RASGRP4: variants seen among roughly 807,000 people sequenced by gnomAD.
RASGRP4 encodes the protein RAS guanyl releasing protein 4.
A neutral mutation model predicts 84.4 loss-of-function variants in RASGRP4; 52 were observed. The observed-to-expected ratio is 0.62, with a 90% CI of 0.49 to 0.78. The LOEUF (loss-of-function observed/expected upper bound fraction) is 0.78, where lower values mean the gene tolerates loss of function less well. Among genes scored for constraint, RASGRP4 ranks in the 30% least tolerant of loss-of-function variants. The pLI is 0.00. For synonymous variants in RASGRP4, 356 were observed against 359.1 expected (o/e 0.99, Z 0.10); for missense variants, 760 against 886.9 (o/e 0.86, Z 1.82).
At chr19:38,420,083 G>A (rs1439058076) in intron 5 of RASGRP4, 48 bp downstream of exon 5, 7 of 1,607,548 alleles carry the variant, frequency 4.4e-6, no homozygotes, top group Admixed American at 1.7e-5. Flanking sequence ...GAGGGAGATG[G>A]CAGAATGGCG....
intron 1 of RASGRP4, among the ~76,000 whole-genome samples, chr19:38,425,275 C>T (rs575972514): frequency 1.3e-5 from 2 of 152,104 alleles, no homozygotes; most frequent in South Asian, 2.1e-4. Context: ...TTCTGAGGCT[C>T]GCTCCAGTTT....
rs1648770287 is a variant in RASGRP4, at chr19:38,417,367, C to A, written c.838-199G>T. 1.3e-5 allele frequency among the ~76,000 whole-genome samples: 2 copies of A among 152,100 alleles called. No homozygotes were observed. The highest frequency in any genetic ancestry group is 4.1e-4 in the South Asian group (2 of 4,826). The stretch of plus-strand genomic sequence containing the variant: ...CCTCACAGGGGTGTCAGATGGCTAT[C>A]TGAGCCGGGAGGGTCAAGCAAGTGA... On this transcript the variant is annotated intron_variant, in intron 7 of 16. Transcript: ENST00000615439. This position sits in a 1 kb window ranked among gnomAD's most constrained non-coding sequence, Gnocchi z 5.1.
chr19:38,410,902 G>T lies in RASGRP4; in HGVS notation c.1949C>A (p.Ser650Tyr). Residue 650 changes from serine (S) to tyrosine (Y), a missense_variant, in exon 16 of 17, where the codon TCC (serine) becomes TAC (tyrosine). Transcript: ENST00000615439. ...AWTQTESPHP[S>Y]WETDTVPCPV... ...TCTCCTCACCGTATCTGTTTCCCAGGAAGGGTGTGGGGATTCAGTCTGGGT... is the reference window on the plus strand; with the variant it reads ...TCTCCTCACCGTATCTGTTTCCCAGTAAGGGTGTGGGGATTCAGTCTGGGT... The T allele has an allele frequency of 6.3e-7, 1 of 1,599,202 alleles. No homozygotes were observed. Among genetic ancestry groups the T allele is most frequent in the East Asian group, 2.3e-5 (1 of 44,320 alleles).
In RASGRP4 at chr19:38,420,260, T is replaced by C; in HGVS notation, c.380A>G (p.Tyr127Cys). ...CACCTCAGGGTGTCGCATCAGCCAG[T>C]ACCTGAGAGTGGTTTGGAGATGGTG... ...RRLQICHLVR[Y>C]WLMRHPEVMH... Residue 127 changes from tyrosine to cysteine, a missense_variant and splice_region_variant, in exon 5 of 17, where the codon TAC becomes TGC. Coordinates refer to ENST00000615439, the MANE Select transcript of RASGRP4 (RefSeq NM_170604.3). The C allele has an allele frequency of 6.2e-7, 1 of 1,613,022 alleles. No individual in the cohort carries two copies. The highest frequency in any genetic ancestry group is 8.5e-7 in the Non-Finnish European group (1 of 1,179,494).
chr19:38,411,247 A>G lies in RASGRP4; in HGVS notation c.1720T>C (p.Cys574Arg), dbSNP rs1208797598. The change falls in exon 15 of 17, where the codon TGC (cysteine) becomes CGC (arginine). Residue 574 changes from cysteine to arginine, a missense_variant and splice_region_variant. Physicochemically the swap from Cys to Arg is radical, Grantham distance 180. Transcript: ENST00000615439. ...VTKQGYRCRECGLCCHKHCRD... is the reference protein window; with the variant it reads ...VTKQGYRCRERGLCCHKHCRD... ...CAGTGTTTGTGGCAACACAGCCCGC[A>G]CTCTGGGGGAAGGCAGCGGCAGGGG... is the stretch of plus-strand genomic sequence containing the variant. The G allele has an allele frequency of 6.2e-7, 1 of 1,613,636 alleles. No homozygotes were observed. Among genetic ancestry groups the G allele is most frequent in the Admixed American group, 1.7e-5 (1 of 59,966 alleles).
Position 38,411,127 on chromosome 19 carries a change from G to A in RASGRP4, c.1840C>T (p.His614Tyr). Residue 614 changes from histidine to tyrosine, a missense_variant, in exon 15 of 17, where the codon CAT becomes TAT. Coordinates refer to ENST00000615439, the MANE Select transcript of RASGRP4 (RefSeq NM_170604.3). Reference sequence around the variant, plus strand: ...CTCTAGGTCTTACCACAGCTGGCATGGGGAGCTGGTGTGGATGGGACAGGA... The same window carrying A: ...CTCTAGGTCTTACCACAGCTGGCATAGGGAGCTGGTGTGGATGGGACAGGA... ...GAPVPSTPAP[H>Y]ASCGSEENHS... is the part of the protein sequence containing the mutation. 6.2e-7 allele frequency: 1 copy of A among 1,613,692 alleles called. No individual in the cohort carries two copies. The highest frequency in any genetic ancestry group is 8.5e-7 in the Non-Finnish European group (1 of 1,179,786).
rs1600552075 is a variant in RASGRP4, at chr19:38,413,541, C to T, written c.1231-67G>A. 16 of 1,338,026 alleles carry T rather than the reference C, an allele frequency of 1.2e-5. No individual in the cohort carries two copies. Among genetic ancestry groups the T allele is most frequent in the African/African-American group, 8.8e-5 (6 of 68,426 alleles). 82.9% of individuals were successfully genotyped at this position (1,338,026 alleles called of 1,614,324 possible). ...CCTGCCCCAGACCCCCACACCCACTCGCAGGCTCTTCCCAAAGCCCCTCCT... is the reference window on the plus strand; with the variant it reads ...CCTGCCCCAGACCCCCACACCCACTTGCAGGCTCTTCCCAAAGCCCCTCCT... On this transcript the variant is annotated intron_variant, in intron 9 of 16. Transcript: ENST00000615439. The surrounding 1 kb of genome is among the most constrained non-coding windows in gnomAD (Gnocchi z 4.7).
intron 1 of RASGRP4, 65 bp downstream of exon 1, chr19:38,426,004 C>T: frequency 3.1e-6 from 4 of 1,293,280 alleles, no homozygotes; most frequent in Non-Finnish European, 3.0e-6. Context: ...AGTGATCTCC[C>T]CAGCCCTCCC....
rs930441062 is a variant in RASGRP4, at chr19:38,424,627, G to T, written c.23+1442C>A. Among the ~76,000 whole-genome samples, 185 of 134,104 alleles carry T rather than the reference G, an allele frequency of 1.4e-3. 1 individual carries two copies. The highest frequency in any genetic ancestry group is 2.2e-3 in the Non-Finnish European group (138 of 62,122). 88.0% of individuals were successfully genotyped at this position (134,104 alleles called of 152,430 possible). On this transcript the variant is annotated intron_variant, in intron 1 of 16. Coordinates refer to ENST00000615439, the MANE Select transcript of RASGRP4 (RefSeq NM_170604.3). ...TGGGTGTGTGTCAATGGGGGGGGGGGTCTCACTATATTTCTCAGGCTGGTC... is the reference window on the plus strand; with the variant it reads ...TGGGTGTGTGTCAATGGGGGGGGGGTTCTCACTATATTTCTCAGGCTGGTC...
rs1256277765 is a variant in RASGRP4 at position 38,422,012 on chromosome 19, G to A, written c.165C>T (p.Gly55=). The A allele has an allele frequency of 1.2e-6, 2 of 1,613,084 alleles. No homozygotes were observed. The highest frequency in any genetic ancestry group is 1.7e-6 in the Non-Finnish European group (2 of 1,179,634). ...SMNLGLLSEG[G]CSEDELLEKC... ...TCTCCAGCAGCTCATCTTCGCTGCA[G>A]CCGCCCTCACTCAGCAGGCCCAGGT... Residue 55 remains glycine, a synonymous_variant, in exon 2 of 17, where the codon GGC becomes GGT. Coordinates refer to ENST00000615439, the MANE Select transcript of RASGRP4 (RefSeq NM_170604.3).
chr19:38,421,396 C>T (rs763522927), intron 2 of RASGRP4, among the ~76,000 whole-genome samples, 196 bp from the exon 3 acceptor site: 1 of 152,196 alleles, frequency 6.6e-6, no homozygotes, highest in Non-Finnish European at 1.5e-5. Flanking sequence ...TCACCCCTGG[C>T]AAGTCTTGCT....
intron 9 of RASGRP4, 64 bp downstream of exon 9, chr19:38,414,784 C>T: frequency 6.8e-7 from 1 of 1,461,562 alleles, no homozygotes; most frequent in Non-Finnish European, 9.2e-7. Flanking sequence ...GACACTCACA[C>T]ACCCAGGACC....
In RASGRP4 at chr19:38,413,353, G is replaced by A. The variant is rs201098865; in HGVS notation, c.1311+41C>T. 1.9e-5 allele frequency: 30 copies of A among 1,602,708 alleles called. No individual in the cohort carries two copies. Among genetic ancestry groups the A allele is most frequent in the African/African-American group, 1.3e-4 (10 of 74,756 alleles). ...CACTGCATAGGCTTAGGGGGGGTTC[G>A]AGGTAATTGGGGGAGTCCGAGGCCA... On this transcript the variant is annotated intron_variant, in intron 10 of 16. Transcript: ENST00000615439. This position sits in a 1 kb window ranked among gnomAD's most constrained non-coding sequence, Gnocchi z 4.7.
At chr19:38,414,822 G>C in intron 9 of RASGRP4, 26 bp downstream of exon 9, 1 of 1,558,344 alleles carries the variant, frequency 6.4e-7, no homozygotes, top group Non-Finnish European at 8.7e-7. Flanking sequence ...TGGAAGCCCA[G>C]CCTGGGCGGG....
At chr19:38,420,558 C>T (rs1211848429) in intron 4 of RASGRP4, among the ~76,000 whole-genome samples, 2 of 149,568 alleles carry the variant, frequency 1.3e-5, no homozygotes, top group East Asian at 4.0e-4. Context: ...CTGGGGGCTT[C>T]CGGGGGTGAA....
chr19:38,420,398 G>A, intron 4 of RASGRP4, 136 bp from the exon 5 acceptor site: 1 of 884,612 alleles, frequency 1.1e-6, no homozygotes, highest in Non-Finnish European at 1.7e-6. Flanking sequence ...GGAGGGTTGG[G>A]GTTTGGAGGG....
In RASGRP4 at chr19:38,412,843, T is replaced by C; in HGVS notation, c.1536-27A>G. ...TGGGGGCAGAAACTGAGCCTCAGCA[T>C]GACCTGCCCCAACGTCCTCCAGACC... On this transcript the variant is annotated intron_variant, in intron 12 of 16. Coordinates refer to ENST00000615439, the MANE Select transcript of RASGRP4 (RefSeq NM_170604.3). The surrounding 1 kb of genome is among the most constrained non-coding windows in gnomAD (Gnocchi z 4.6). 6.2e-7 allele frequency: 1 copy of C among 1,611,296 alleles called. No homozygotes were observed. The highest frequency in any genetic ancestry group is 8.5e-7 in the Non-Finnish European group (1 of 1,178,350).
At chr19:38,410,152 T>C (rs1361669617) in intron 16 of RASGRP4, 56 bp from the exon 17 acceptor site, 4 of 1,421,246 alleles carry the variant, frequency 2.8e-6, no homozygotes, top group Middle Eastern at 3.5e-4. Flanking sequence ...GCATATGATG[T>C]CTAGGAGACG....
rs1462309757 is a variant in RASGRP4 at position 38,413,034 on chromosome 19, A to G, written c.1432T>C (p.Tyr478His). 1.2e-6 allele frequency: 2 copies of G among 1,613,788 alleles called. No individual in the cohort carries two copies. The highest frequency in any genetic ancestry group is 1.7e-5 in the Admixed American group (1 of 60,004). ...EQLVESVFKN[Y>H]DPEGRGTISQ... ...ATTGTTCCTCGGCCTTCAGGGTCAT[A>G]ATTCTTGAACACAGACTTCAGAGGA... The change falls in exon 12 of 17, where the codon TAT becomes CAT. Residue 478 changes from tyrosine (Y) to histidine (H), a missense_variant. Coordinates refer to ENST00000615439, the MANE Select transcript of RASGRP4 (RefSeq NM_170604.3). The surrounding 1 kb of genome is among the most constrained non-coding windows in gnomAD (Gnocchi z 4.7).
Sources: gnomAD v4.1 joint callset for allele counts (sites outside exome capture counted in the v4.1 genomes callset) on GRCh38, gnomAD v4.1.1 for gene constraint, Gnocchi (gnomAD v3.1) non-coding constraint, MANE v1.5 for transcripts, NCBI Gene and HGNC (gene_info 2026-07-23, HGNC 2026-07-21) for gene names.